The following ASTN1 variants were observed in gnomAD, a reference collection of about 807,000 sequenced individuals.
ASTN1 encodes the protein astrotactin 1.
ASTN1 carries 41 observed loss-of-function variants against 140.7 expected under a neutral mutation model. The observed-to-expected ratio is 0.29, with a 90% CI of 0.23 to 0.38. The LOEUF (loss-of-function observed/expected upper bound fraction) is 0.38. Among genes scored for constraint, ASTN1 ranks in the 10% least tolerant of loss-of-function variants. The pLI is 1.00. For missense variants in ASTN1, 1,479 were observed against 1,678.8 expected (o/e 0.88, Z 2.08); for synonymous variants, 640 against 652.2 (o/e 0.98, Z 0.29).
At chr1:177,036,718 C>T (rs547663805) in intron 2 of ASTN1, among the ~76,000 whole-genome samples, 1 of 152,308 alleles carries the variant, frequency 6.6e-6, no homozygotes, top group East Asian at 1.9e-4. Context: ...AGGGGTCTAG[C>T]CACTTTGGTA....
intron 8 of ASTN1, among the ~76,000 whole-genome samples, chr1:177,005,474 G>C (rs1674945948): frequency 6.6e-6 from 1 of 152,012 alleles, no homozygotes; most frequent in African/African-American, 2.4e-5. Context: ...CCCACTATTG[G>C]GTATCTATCC....
Position 177,079,730 on chromosome 1 carries a change from A to G in ASTN1, c.284-18465T>C, listed in dbSNP as rs1354806557. ...CACTTGAAAATACTGTCCTCACTTT[A>G]CAGATGCCCAATTCCTTCACAACAT... is the stretch of plus-strand genomic sequence containing the variant. On this transcript the variant is annotated intron_variant, in intron 1 of 22. Transcript: ENST00000361833. Among the ~76,000 whole-genome samples the G allele has an allele frequency of 2.6e-5, 4 of 152,200 alleles. No homozygotes were observed. The South Asian group carries it at 8.3e-4, about 32-fold the overall frequency.
In ASTN1 at chr1:176,864,481, T is replaced by A. The variant is rs1248197585; in HGVS notation, c.3688A>T (p.Ser1230Cys). 1 of 1,614,022 alleles carries A rather than the reference T, an allele frequency of 6.2e-7. No individual in the cohort carries two copies. The highest frequency in any genetic ancestry group is 1.7e-5 in the Admixed American group (1 of 60,010). The change falls in exon 23 of 23, where the codon AGT (serine) becomes TGT (cysteine). Residue 1230 changes from serine (S) to cysteine (C), a missense_variant. Coordinates refer to ENST00000361833, the MANE Select transcript of ASTN1 (RefSeq NM_004319.3). ...LILSQLGDLS[S>C]WCNGLLQEPK... ...TCCTGAAGGAGTCCATTGCACCAAC[T>A]GCTGAGGTCCCCAAGCTGGGAAAGG...
At chr1:177,111,400 T>C (rs1335788153) in intron 1 of ASTN1, among the ~76,000 whole-genome samples, 1 of 152,020 alleles carries the variant, frequency 6.6e-6, no homozygotes, top group Admixed American at 6.6e-5. Flanking sequence ...TGGGATCTTG[T>C]TAAAATGAAT....
chr1:177,142,892 G>GAA (rs59942849), intron 1 of ASTN1, among the ~76,000 whole-genome samples: 3 of 127,460 alleles, frequency 2.4e-5, no homozygotes, highest in East Asian at 2.6e-4. Context: ...GAGCAAGGAG[G>GAA]AAAAAAAAAA....
intron 21 of ASTN1, among the ~76,000 whole-genome samples, chr1:176,872,102 T>C (rs533326869): frequency 6.6e-6 from 1 of 152,230 alleles, no homozygotes; most frequent in Non-Finnish European, 1.5e-5. Flanking sequence ...TTAACCTCTC[T>C]GGGTGTTAGT....
At chr1:177,111,597 A>C (rs1680825539) in intron 1 of ASTN1, among the ~76,000 whole-genome samples, 1 of 152,196 alleles carries the variant, frequency 6.6e-6, no homozygotes. Context: ...ATGGAAGCTT[A>C]GTGCTTTCTG....
At position 177,030,898 on chromosome 1, in the gene ASTN1, G is replaced by A; in HGVS notation, c.920C>T (p.Ala307Val). The change falls in exon 4 of 23, where the codon GCC (alanine) becomes GTC (valine). Residue 307 changes from alanine (A) to valine (V), a missense_variant. Physicochemically the swap from Ala to Val is moderately conservative, Grantham distance 64 (BLOSUM62 0). Coordinates refer to ENST00000361833, the MANE Select transcript of ASTN1 (RefSeq NM_004319.3). ...GTGGTTGGAGTCCACAGGGCTAGTG[G>A]CTATAATATTATCTTTATACTTGTT... ...LMNKYKDNIIATSPVDSNHQQ... is the reference protein window; with the variant it reads ...LMNKYKDNIIVTSPVDSNHQQ... 1 of 1,614,100 alleles carries A rather than the reference G, an allele frequency of 6.2e-7. No individual in the cohort carries two copies. The highest frequency in any genetic ancestry group is 8.5e-7 in the Non-Finnish European group (1 of 1,179,986).
chr1:176,909,706 T>C (rs1157329068), intron 16 of ASTN1, among the ~76,000 whole-genome samples: 2 of 146,660 alleles, frequency 1.4e-5, no homozygotes, highest in African/African-American at 5.2e-5. Context: ...AATAACTATT[T>C]ATGATACTTA....
intron 16 of ASTN1, among the ~76,000 whole-genome samples, chr1:176,901,345 C>A (rs568846130): frequency 6.6e-6 from 1 of 152,318 alleles, no homozygotes; most frequent in South Asian, 2.1e-4. Flanking sequence ...AGGTCTTGTG[C>A]TGAAGGGCAG....
rs1294725520 is a variant in ASTN1, at chr1:177,030,866, C to T, written c.952G>A (p.Ala318Thr). ...CTGGAGGTGTGAGAGAGAAGGGTGG[C>T]TTGCTGGTGGTTGGAGTCCACAGGG... ...TSPVDSNHQQATLLSHTSSSQ... is the reference protein window; with the variant it reads ...TSPVDSNHQQTTLLSHTSSSQ... Residue 318 changes from alanine to threonine, a missense_variant, in exon 4 of 23, where the codon GCC becomes ACC. Around this residue, in one of 3 missense-constraint regions of ASTN1, gnomAD observed 729 missense variants for 860.4 expected, o/e 0.85. Coordinates refer to ENST00000361833, the MANE Select transcript of ASTN1 (RefSeq NM_004319.3). 1 of 1,614,170 alleles carries T rather than the reference C, an allele frequency of 6.2e-7. No homozygotes were observed.
chr1:177,028,759 A>C lies in ASTN1; in HGVS notation c.1120+875T>G, dbSNP rs560031102. Among the ~76,000 whole-genome samples the C allele has an allele frequency of 2.3e-3, 358 of 152,354 alleles. 1 individual carries two copies. Among genetic ancestry groups the C allele is most frequent in the African/African-American group, 8.3e-3 (347 of 41,586 alleles). Reference sequence around the variant, plus strand: ...TTCATAGTGCTTTAGCAATCTCCAAAAAGGCACATTTTAATATAATTTAAT... The same window carrying C: ...TTCATAGTGCTTTAGCAATCTCCAACAAGGCACATTTTAATATAATTTAAT... On this transcript the variant is annotated intron_variant, in intron 5 of 22. Coordinates refer to ENST00000361833, the MANE Select transcript of ASTN1 (RefSeq NM_004319.3).
At chr1:177,149,268 AC>A (rs1558130879) in intron 1 of ASTN1, among the ~76,000 whole-genome samples, 4 of 83,222 alleles carry the variant, frequency 4.8e-5, no homozygotes, top group Non-Finnish European at 8.1e-5. Flanking sequence ...ATATATATAT[AC>A]TATATATAGT....
At chr1:176,931,397 C>T (rs536513195) in intron 16 of ASTN1, among the ~76,000 whole-genome samples, 3 of 152,044 alleles carry the variant, frequency 2.0e-5, no homozygotes, top group South Asian at 4.2e-4. Flanking sequence ...ACCTAGGAGG[C>T]GGAGGTTGCG....
downstream of ASTN1, among the ~76,000 whole-genome samples, chr1:176,859,861 G>C (rs868593294): frequency 6.6e-6 from 1 of 152,206 alleles, no homozygotes; most frequent in Non-Finnish European, 1.5e-5. Context: ...TTTGGTGAGG[G>C]GGACAGATAT....
intron 8 of ASTN1, chr1:176,981,382 GA>G (rs1195162919): frequency 1.3e-5 from 2 of 152,068 alleles, no homozygotes; most frequent in African/African-American, 4.8e-5. Flanking sequence ...AAGATATGTT[GA>G]AATTCTAACC....
In ASTN1 at chr1:176,894,676, G is replaced by A; in HGVS notation, c.2826C>T (p.Ser942=). 6.2e-7 allele frequency: 1 copy of A among 1,614,122 alleles called. No homozygotes were observed. Among genetic ancestry groups the A allele is most frequent in the Non-Finnish European group, 8.5e-7 (1 of 1,180,028 alleles). The change falls in exon 17 of 23, where the codon TCC becomes TCT. Residue 942 remains serine, a synonymous_variant. Coordinates refer to ENST00000361833, the MANE Select transcript of ASTN1 (RefSeq NM_004319.3). Reference sequence around the variant, plus strand: ...TGGATGTCACATGACACAGGGGGCAGGACGAGGGGCATCGTCCCTTGCTGT... The same window carrying A: ...TGGATGTCACATGACACAGGGGGCAAGACGAGGGGCATCGTCCCTTGCTGT... ...ECHSKGRCPS[S]CPLCHVTSSP... is the part of the protein sequence containing the mutation.
chr1:176,994,234 T>C lies in ASTN1; in HGVS notation c.1523+20557A>G, dbSNP rs150884185. 1.4e-4 allele frequency among the ~76,000 whole-genome samples: 22 copies of C among 152,246 alleles called. No individual in the cohort carries two copies. The East Asian group carries it at 3.7e-3, about 25-fold the overall frequency. ...TAAAAGTTGCTGTAAGGCCTGTTTA[T>C]AGTACGTCCTGTGGATCTCAAACAG... On this transcript the variant is annotated intron_variant, in intron 8 of 22. Transcript: ENST00000361833.
chr1:177,053,319 G>T (rs1219299812), intron 2 of ASTN1, among the ~76,000 whole-genome samples: 1 of 152,126 alleles, frequency 6.6e-6, no homozygotes, highest in Non-Finnish European at 1.5e-5. Context: ...TGGCCTCTTA[G>T]CTATTTTTCT....
Sources: allele counts gnomAD v4.1 joint callset (sites outside exome capture counted in the v4.1 genomes callset), GRCh38; gene constraint gnomAD v4.1.1; regional missense constraint gnomAD v4.1.1; transcripts MANE v1.5; gene names NCBI Gene and HGNC (gene_info 2026-07-23, HGNC 2026-07-21).